RRN3: variants seen among roughly 807,000 people sequenced by gnomAD.
RRN3 encodes RNA polymerase I transcription factor RRN3.
RRN3 carries 38 observed loss-of-function variants against 82.3 expected under a neutral mutation model. That is an observed-to-expected ratio of 0.46 (90% CI 0.36 to 0.61). The LOEUF (loss-of-function observed/expected upper bound fraction) is 0.61, where lower values mean the gene tolerates loss of function less well. Among genes scored for constraint, RRN3 ranks in the 20% least tolerant of loss-of-function variants. The pLI is 0.00. For missense variants in RRN3, 726 were observed against 793.1 expected (o/e 0.92, Z 1.02); for synonymous variants, 284 against 284.3 (o/e 1.00, Z 0.01).
rs2044711098 is a variant in RRN3, at chr16:15,061,576, A to C, written c.*168T>G. 2 of 518,028 alleles carry C rather than the reference A, an allele frequency of 3.9e-6. No homozygotes were observed. The highest frequency in any genetic ancestry group is 3.4e-6 in the Non-Finnish European group (1 of 293,518). The allele number at this position is 518,028 out of a possible 1,614,324, so 32.1% of individuals were successfully genotyped here. ...TAAGGGGAACAACAACAACAAAAAA[A>C]CCCAGTCTTCAGATGCTTGATTCAG... On this transcript the variant is annotated 3_prime_UTR_variant, in exon 18 of 18. Coordinates refer to ENST00000198767, the MANE Select transcript of RRN3 (RefSeq NM_018427.5).
chr16:15,074,262 AT>A (rs1293333108), intron 11 of RRN3, among the ~76,000 whole-genome samples: 1 of 152,202 alleles, frequency 6.6e-6, no homozygotes, highest in Non-Finnish European at 1.5e-5. Context: ...AGCAATGTGA[AT>A]GGAAAAAAAT....
Position 15,084,679 on chromosome 16 carries a change from G to A in RRN3, c.559C>T (p.His187Tyr). 6.2e-7 allele frequency: 1 copy of A among 1,613,094 alleles called. No homozygotes were observed. Among genetic ancestry groups the A allele is most frequent in the Non-Finnish European group, 8.5e-7 (1 of 1,179,086 alleles). The change falls in exon 7 of 18, where the codon CAC becomes TAC. Residue 187 changes from histidine to tyrosine, a missense_variant. By Grantham distance (83) the His-to-Tyr change is moderately conservative. This residue lies in a region of RRN3 where 344 missense variants were observed against 394.5 expected (regional missense o/e 0.87). Coordinates refer to ENST00000198767, the MANE Select transcript of RRN3 (RefSeq NM_018427.5). ...DNLPANFDTC[H>Y]RALQIIARYV... ...CTTGCTATTATTTGCAAGGCTCTGT[G>A]ACATGTGTCAAAATTTGCAGGAAGA... is the stretch of plus-strand genomic sequence containing the variant.
At chr16:15,093,047 A>G (rs1315590298) in intron 1 of RRN3, among the ~76,000 whole-genome samples, 2 of 151,852 alleles carry the variant, frequency 1.3e-5, no homozygotes, top group Admixed American at 6.6e-5. Flanking sequence ...TCTGCTGCCC[A>G]GGCTGGAGTG....
At chr16:15,091,223 A>G in intron 3 of RRN3, 92 bp downstream of exon 3, 1 of 1,511,376 alleles carries the variant, frequency 6.6e-7, no homozygotes, top group Non-Finnish European at 9.0e-7. Context: ...GGAGAGAGCA[A>G]GTTCTGGAGG....
intron 10 of RRN3, among the ~76,000 whole-genome samples, chr16:15,075,789 G>A (rs2045428117): frequency 6.6e-6 from 1 of 152,074 alleles, no homozygotes; most frequent in Non-Finnish European, 1.5e-5. Context: ...CACCATGGCG[G>A]GTGCTTTTGG....
At chr16:15,088,045 G>A (rs1295118208) in intron 3 of RRN3, among the ~76,000 whole-genome samples, 1 of 152,096 alleles carries the variant, frequency 6.6e-6, no homozygotes, top group Non-Finnish European at 1.5e-5. Flanking sequence ...AAAACTCGGA[G>A]GCAGAGGTTG....
chr16:15,061,888 T>C lies in RRN3; in HGVS notation c.1812A>G (p.Glu604=). 6.2e-7 allele frequency: 1 copy of C among 1,612,452 alleles called. No homozygotes were observed. ...CTTCGCCTTTCAGAAAGTCATCATC[T>C]TCATCTTCCACTATGTCCTGCAGAA... ...KPMKKDIVED[E]DDDFLKGEVP... Residue 604 remains glutamate (E), a synonymous_variant, in exon 18 of 18, where the codon GAA becomes GAG. Transcript: ENST00000198767.
chr16:15,081,625 G>A (rs985635240), intron 8 of RRN3, among the ~76,000 whole-genome samples: 10 of 152,142 alleles, frequency 6.6e-5, no homozygotes, highest in African/African-American at 1.4e-4. Flanking sequence ...ATTATTTGGG[G>A]ATCCTTTTCA....
intron 13 of RRN3, among the ~76,000 whole-genome samples, chr16:15,070,629 T>C (rs2045183585): frequency 6.6e-6 from 1 of 152,180 alleles, no homozygotes; most frequent in African/African-American, 2.4e-5. Flanking sequence ...CAGTATTCCC[T>C]GATGCATCCT....
At chr16:15,063,171 T>C in intron 17 of RRN3, 25 bp downstream of exon 17, 1 of 1,457,164 alleles carries the variant, frequency 6.9e-7, no homozygotes, top group South Asian at 1.1e-5. Flanking sequence ...ATTCCGAGAG[T>C]GTGCTCAATC....
Position 15,083,586 on chromosome 16 carries a change from T to C in RRN3, c.597-4A>G, listed in dbSNP as rs779591243. 1.3e-6 allele frequency: 2 copies of C among 1,597,864 alleles called. No homozygotes were observed. Among genetic ancestry groups the C allele is most frequent in the Non-Finnish European group, 1.7e-6 (2 of 1,175,562 alleles). On this transcript the variant is annotated splice_polypyrimidine_tract_variant and splice_region_variant and intron_variant, in intron 7 of 17. Coordinates refer to ENST00000198767, the MANE Select transcript of RRN3 (RefSeq NM_018427.5). ...TGGCATGAGAAACCACGGTGTCCTA[T>C]TTTTAAAAAATTAAATCAATCCATG...
intron 17 of RRN3, among the ~76,000 whole-genome samples, chr16:15,062,378 A>C (rs936763622): frequency 1.3e-5 from 2 of 152,210 alleles, no homozygotes; most frequent in African/African-American, 4.8e-5. Context: ...CAAATGAAAC[A>C]TAAAGAAAAA....
At chr16:15,070,690 C>A (rs886219178) in intron 13 of RRN3, among the ~76,000 whole-genome samples, 1 of 152,094 alleles carries the variant, frequency 6.6e-6, no homozygotes, top group African/African-American at 2.4e-5. Flanking sequence ...GTTTCAACAG[C>A]ATCCTTGTCC....
chr16:15,071,031 A>C (rs1358495237), intron 13 of RRN3, 90 bp downstream of exon 13: 3 of 1,188,686 alleles, frequency 2.5e-6, no homozygotes, highest in Non-Finnish European at 3.5e-6. Context: ...AACATGCCAA[A>C]AAAAATGGGA....
intron 16 of RRN3, 81 bp from the exon 17 acceptor site, chr16:15,063,364 A>G: frequency 9.7e-7 from 1 of 1,029,800 alleles, no homozygotes; most frequent in African/African-American, 1.6e-5. Context: ...TTCTCACAAG[A>G]TCTATTACCC....
Position 15,065,226 on chromosome 16 carries a change from G to T in RRN3, c.1699C>A (p.Leu567Met), listed in dbSNP as rs964501608. ...DTFFPFDPCVLKRSKKFIDPI... is the reference protein window; with the variant it reads ...DTFFPFDPCVMKRSKKFIDPI... ...ATGTTTAAAAGTACCTACCTCTTCA[G>T]CACACAGGGATCAAAGGGGAAGAAG... Residue 567 changes from leucine (L) to methionine (M), a missense_variant, in exon 16 of 18, where the codon CTG (leucine) becomes ATG (methionine). Physicochemically the swap from Leu to Met is conservative, Grantham distance 15 (BLOSUM62 2). Around this residue, in one of 4 missense-constraint regions of RRN3, gnomAD observed 166 missense variants for 154.8 expected, o/e 1.07. Transcript: ENST00000198767. 2 of 1,612,756 alleles carry T rather than the reference G, an allele frequency of 1.2e-6. No homozygotes were observed. The highest frequency in any genetic ancestry group is 1.7e-6 in the Non-Finnish European group (2 of 1,179,352).
rs529262668 is a variant in RRN3 at position 15,077,652 on chromosome 16, T to C, written c.766-1002A>G. 2.0e-5 allele frequency among the ~76,000 whole-genome samples: 3 copies of C among 152,230 alleles called. No homozygotes were observed. In the South Asian group the frequency reaches 6.2e-4, roughly 32 times the overall value. ...GTCAGGAGATTGAGACCATCCTGGC[T>C]AACACGGTGAAACCCCATCTCTACT... is the stretch of plus-strand genomic sequence containing the variant. On this transcript the variant is annotated intron_variant, in intron 9 of 17. Coordinates refer to ENST00000198767, the MANE Select transcript of RRN3 (RefSeq NM_018427.5).
Position 15,086,387 on chromosome 16 carries a change from T to A in RRN3, c.320A>T (p.Glu107Val). 6.2e-7 allele frequency: 1 copy of A among 1,613,776 alleles called. No individual in the cohort carries two copies. The highest frequency in any genetic ancestry group is 8.5e-7 in the Non-Finnish European group (1 of 1,179,782). The part of the protein sequence containing the change: ...SSIMYLTKDF[E>V]QLISIILRLP... ...TACTAATATAATACTGATAAGTTGC[T>A]CAAAGTCTTTTGTCAAGTACATGAT... is the stretch of plus-strand genomic sequence containing the variant. Residue 107 changes from glutamate to valine, a missense_variant, in exon 4 of 18, where the codon GAG becomes GTG. Physicochemically the swap from Glu to Val is moderately radical, Grantham distance 121 (BLOSUM62 -2). Transcript: ENST00000198767.
At chr16:15,094,052 T>A in intron 1 of RRN3, 93 bp downstream of exon 1, 1 of 1,142,264 alleles carries the variant, frequency 8.8e-7, no homozygotes, top group East Asian at 2.6e-5. Context: ...TCACACGCCA[T>A]GAGCTTTGTC....
Sources: allele counts gnomAD v4.1 joint callset (sites outside exome capture counted in the v4.1 genomes callset), GRCh38; gene constraint gnomAD v4.1.1; regional missense constraint gnomAD v4.1.1; transcripts MANE v1.5; gene names NCBI Gene and HGNC (gene_info 2026-07-23, HGNC 2026-07-21).